NKAIN4: variants seen among roughly 807,000 people sequenced by gnomAD.
NKAIN4 encodes the protein sodium/potassium-transporting ATPase subunit beta-1-interacting protein 4.
In NKAIN4, 28 loss-of-function variants were observed where a neutral mutation model predicts 28.8. That is an observed-to-expected ratio of 0.97 (90% CI 0.72 to 1.33). NKAIN4 has a LOEUF of 1.33. Among genes scored for constraint, NKAIN4 ranks in the 40% most tolerant of loss-of-function variants. NKAIN4 has a pLI of 0.00. For missense variants in NKAIN4, 289 were observed against 277.2 expected (o/e 1.04, Z -0.30); for synonymous variants, 122 against 115.6 (o/e 1.06, Z -0.36).
At chr20:63,253,542 A>G (rs932967204) in intron 1 of NKAIN4, 1 of 983,578 alleles carries the variant, frequency 1.0e-6, no homozygotes, top group Non-Finnish European at 1.2e-6. Flanking sequence ...CGCAGCCCAC[A>G]AAGCATCGTT....
intron 6 of NKAIN4, among the ~76,000 whole-genome samples, chr20:63,242,293 A>T (rs2066769019): frequency 6.6e-6 from 1 of 151,994 alleles, no homozygotes; most frequent in Non-Finnish European, 1.5e-5. Flanking sequence ...CCCCTCCCAC[A>T]GTCTCCATCT....
chr20:63,247,323 C>A, intron 4 of NKAIN4: 1 of 1,442,238 alleles, frequency 6.9e-7, no homozygotes, highest in East Asian at 2.7e-5. Flanking sequence ...ACAGCAAACA[C>A]CACGCTCAAC....
chr20:63,250,963 C>T (rs2066948443), intron 1 of NKAIN4, among the ~76,000 whole-genome samples: 1 of 150,854 alleles, frequency 6.6e-6, no homozygotes, highest in Non-Finnish European at 1.5e-5. Flanking sequence ...CAAAAGACAC[C>T]TGGGCCCGGG....
In NKAIN4 at chr20:63,252,736, C is replaced by CA. The variant is rs771693242; in HGVS notation, c.54+1660dup. Among the ~76,000 whole-genome samples the CA allele has an allele frequency of 1.3e-5, 2 of 152,196 alleles. No homozygotes were observed. Among genetic ancestry groups the CA allele is most frequent in the African/African-American group, 2.4e-5 (1 of 41,444 alleles). On this transcript the variant is annotated intron_variant, in intron 1 of 6. Transcript: ENST00000370316. This position sits in a 1 kb window ranked among gnomAD's most constrained non-coding sequence, Gnocchi z 4.6. Reference sequence around the variant, plus strand: ...TAGTGAAGCCCTGCGGCCCTCAAGCCAGGATGACTCTTTCCCTCTTGGCTG... The same window carrying CA: ...TAGTGAAGCCCTGCGGCCCTCAAGCCAAGGATGACTCTTTCCCTCTTGGCTG...
intron 4 of NKAIN4, among the ~76,000 whole-genome samples, chr20:63,244,882 G>A (rs1047196026): frequency 1.3e-5 from 2 of 152,206 alleles, no homozygotes; most frequent in Admixed American, 1.3e-4. Context: ...TGTGACTGGA[G>A]GGACCCCGGA....
intron 1 of NKAIN4, chr20:63,253,285 G>A: frequency 1.0e-6 from 1 of 985,366 alleles, no homozygotes; most frequent in Non-Finnish European, 1.2e-6. Context: ...AGGACCTCAG[G>A]TTATCTCCGC....
Position 63,248,802 on chromosome 20 carries a change from A to C in NKAIN4, c.273+13T>G. The C allele has an allele frequency of 6.3e-7, 1 of 1,593,174 alleles. No homozygotes were observed. Among genetic ancestry groups the C allele is most frequent in the Non-Finnish European group, 8.6e-7 (1 of 1,162,400 alleles). On this transcript the variant is annotated intron_variant, in intron 3 of 6. Coordinates refer to ENST00000370316, the MANE Select transcript of NKAIN4 (RefSeq NM_152864.4). ...AGGGAAGGACCTCGCGCTGCCTCCC[A>C]GTCTGCACTCACCTTTAAGAGGCCA...
chr20:63,247,874 A>G (rs551360201), intron 3 of NKAIN4, 99 bp from the exon 4 acceptor site: 85 of 1,382,872 alleles, frequency 6.1e-5, no homozygotes, highest in East Asian at 5.8e-4. Flanking sequence ...AGGCAAGGGG[A>G]GGTCCTGTCC....
At chr20:63,250,662 G>A (rs1359566743) in intron 1 of NKAIN4, among the ~76,000 whole-genome samples, 2 of 152,138 alleles carry the variant, frequency 1.3e-5, no homozygotes, top group African/African-American at 4.8e-5. Context: ...CTGTTGAACT[G>A]CCCTCTACAC....
chr20:63,246,314 T>C (rs545516822), intron 4 of NKAIN4, among the ~76,000 whole-genome samples: 18 of 152,198 alleles, frequency 1.2e-4, no homozygotes, highest in Non-Finnish European at 1.5e-4. Context: ...TCTCCTCCAG[T>C]GGCAGGCACC....
chr20:63,250,809 G>A (rs926429096), intron 1 of NKAIN4, among the ~76,000 whole-genome samples: 4 of 152,050 alleles, frequency 2.6e-5, no homozygotes, highest in African/African-American at 7.3e-5. Context: ...TGGCGCACTC[G>A]GCACCACCCG....
chr20:63,247,716 C>A lies in NKAIN4; in HGVS notation c.333G>T (p.Trp111Cys). 1 of 1,512,796 alleles carries A rather than the reference C, an allele frequency of 6.6e-7. No homozygotes were observed. 93.7% of individuals were successfully genotyped at this position (1,512,796 alleles called of 1,614,324 possible). A position where few individuals can be genotyped will look rare whatever the true frequency, so the allele number is the denominator to read the frequency against. ...GCACCTCCTCATGCAGACAGCCTGG[C>A]CAGCGCTCACGCCACCAGGAGCGAT... is the stretch of plus-strand genomic sequence containing the variant. Reference protein sequence around the residue: ...SRHRSWWRERWPGCLHEEVPA... With the variant: ...SRHRSWWRERCPGCLHEEVPA... The change falls in exon 4 of 7, where the codon TGG (tryptophan) becomes TGT (cysteine). Residue 111 changes from tryptophan to cysteine, a missense_variant. By Grantham distance (215) the Trp-to-Cys change is radical (BLOSUM62 -2). Transcript: ENST00000370316.
intron 1 of NKAIN4, among the ~76,000 whole-genome samples, chr20:63,250,484 G>A (rs531264938): frequency 1.8e-3 from 277 of 152,244 alleles, no homozygotes; most frequent in African/African-American, 6.5e-3. Flanking sequence ...CCCAGAAAAC[G>A]CCACTCGGGG....
In NKAIN4 at chr20:63,244,071, A is replaced by G; in HGVS notation, c.485T>C (p.Val162Ala). Residue 162 changes from valine (V) to alanine (A), a missense_variant, in exon 5 of 7, where the codon GTC (valine) becomes GCC (alanine). Physicochemically the swap from Val to Ala is moderately conservative, Grantham distance 64. Transcript: ENST00000370316. ...LQILIALLGFVCGCQVVSVFT... is the reference protein window; with the variant it reads ...LQILIALLGFACGCQVVSVFT... ...CACGCTGACCACCTGGCAGCCACAG[A>G]CAAAGCCCAGAAGCTGAAAGACACC... 6.2e-7 allele frequency: 1 copy of G among 1,613,770 alleles called. No homozygotes were observed. Among genetic ancestry groups the G allele is most frequent in the Non-Finnish European group, 8.5e-7 (1 of 1,179,836 alleles).
chr20:63,243,887 C>T (rs914749794), intron 5 of NKAIN4, 137 bp downstream of exon 5: 25 of 694,618 alleles, frequency 3.6e-5, no homozygotes, highest in African/African-American at 1.6e-4. Context: ...GGCCTACGGC[C>T]GTGAGCAAGG....
chr20:63,243,328 C>T lies in NKAIN4; in HGVS notation c.532+696G>A, dbSNP rs77865472. Reference sequence around the variant, plus strand: ...TCTGAGGGTAGGGTGCCCTTTGACACGTGGACTGCTGACCCCATGGCCCCT... The same window carrying T: ...TCTGAGGGTAGGGTGCCCTTTGACATGTGGACTGCTGACCCCATGGCCCCT... On this transcript the variant is annotated intron_variant, in intron 5 of 6. Transcript: ENST00000370316. Among the ~76,000 whole-genome samples the T allele has an allele frequency of 6.6e-3, 997 of 152,164 alleles. 92 individuals carry two copies. In the East Asian group the frequency reaches 0.16, roughly 25 times the overall value.
rs891216257 is a variant in NKAIN4 at position 63,249,995 on chromosome 20, G to A, written c.132C>T (p.Ile44=). ...CGAAGAGTCCCAGGATGACGATGAT[G>A]ATGTGGACAAAGTTGGCCAGGATGG... is the stretch of plus-strand genomic sequence containing the variant. ...WAPILANFVH[I]IIVILGLFGT... Residue 44 remains isoleucine (I), a synonymous_variant, in exon 2 of 7, where the codon ATC becomes ATT. Transcript: ENST00000370316. The A allele has an allele frequency of 1.1e-5, 17 of 1,613,008 alleles. No homozygotes were observed. The African/African-American group carries it at 2.0e-4, about 19-fold the overall frequency.
intron 6 of NKAIN4, chr20:63,241,743 G>A (rs762254906): frequency 1.0e-5 from 7 of 679,814 alleles, no homozygotes; most frequent in Non-Finnish European, 1.9e-5. Flanking sequence ...GTGGGGTCTG[G>A]CCTGTGGGGC....
intron 6 of NKAIN4, 32 bp from the exon 7 acceptor site, chr20:63,241,538 G>T (rs576232859): frequency 1.3e-6 from 2 of 1,548,534 alleles, no homozygotes; most frequent in South Asian, 2.4e-5. Flanking sequence ...GCACCTGGGG[G>T]AACAGGGCTG....
Sources: gnomAD v4.1 joint callset for allele counts (sites outside exome capture counted in the v4.1 genomes callset) on GRCh38, gnomAD v4.1.1 for gene constraint, Gnocchi (gnomAD v3.1) non-coding constraint, MANE v1.5 for transcripts, NCBI Gene and HGNC (gene_info 2026-07-23, HGNC 2026-07-21) for gene names.